Variants in LYPD6B observed in about 807,000 individuals in gnomAD.
LYPD6B encodes ly6/PLAUR domain-containing protein 6B.
Under a neutral mutation model 22.8 loss-of-function variants are expected in LYPD6B, and 17 were observed. That is an observed-to-expected ratio of 0.75 (90% confidence interval 0.51 to 1.12). LYPD6B has a LOEUF of 1.12. Among genes scored for constraint, LYPD6B ranks in the 50% most tolerant of loss-of-function variants. LYPD6B has a pLI of 0.00. For synonymous variants in LYPD6B, 106 were observed against 91.6 expected, an observed-to-expected ratio of 1.16 and a Z score of -0.90; for missense variants, 221 against 258.3, an observed-to-expected ratio of 0.86 and a Z score of 0.99.
At chr2:149,160,918 TC>T in intron 3 of LYPD6B, 83 bp downstream of exon 3, 1 of 1,010,102 alleles carries the variant, frequency 9.9e-7, no homozygotes, top group Non-Finnish European at 1.5e-6. Flanking sequence ...CTCCTGAAAG[TC>T]CCGGGACCCT....
At chr2:149,100,775 T>C (rs1013679372) in intron 1 of LYPD6B, among the ~76,000 whole-genome samples, 5 of 152,250 alleles carry the variant, frequency 3.3e-5, no homozygotes, top group African/African-American at 1.2e-4. Context: ...AATTCACCTT[T>C]GAACTTATGT....
intron 1 of LYPD6B, among the ~76,000 whole-genome samples, chr2:149,052,320 G>A (rs1226343283): frequency 2.0e-5 from 3 of 152,158 alleles, no homozygotes; most frequent in Non-Finnish European, 2.9e-5. Flanking sequence ...ATCCCAAAGT[G>A]CTGGGATTAC....
intron 1 of LYPD6B, among the ~76,000 whole-genome samples, chr2:149,086,101 A>G (rs1170024011): frequency 6.6e-6 from 1 of 152,234 alleles, no homozygotes; most frequent in African/African-American, 2.4e-5. Flanking sequence ...ACCAGGATGG[A>G]ATACAGCCCA....
At chr2:149,160,712 G>A (rs771702862) in intron 2 of LYPD6B, 52 bp from the exon 3 acceptor site, 48 of 1,258,274 alleles carry the variant, frequency 3.8e-5, no homozygotes, top group Admixed American at 1.8e-4. Flanking sequence ...GTTCAAGAAC[G>A]TTACTCATCG....
At chr2:149,129,591 A>T (rs1687902520) in intron 1 of LYPD6B, among the ~76,000 whole-genome samples, 1 of 152,248 alleles carries the variant, frequency 6.6e-6, no homozygotes, top group South Asian at 2.1e-4. Context: ...AACGGAATGC[A>T]GCCTCAGTTG....
chr2:149,148,922 C>T (rs1029484807), intron 2 of LYPD6B, among the ~76,000 whole-genome samples: 2 of 152,170 alleles, frequency 1.3e-5, no homozygotes, highest in Admixed American at 6.5e-5. Flanking sequence ...AGCTGCAACA[C>T]TGAATCAAAT....
intron 1 of LYPD6B, among the ~76,000 whole-genome samples, chr2:149,100,416 CAAAAAAAAAA>C (rs58068035): frequency 5.9e-5 from 4 of 67,974 alleles, no homozygotes; most frequent in South Asian, 1.7e-3. Flanking sequence ...TTGGCTTTGA[CAAAAAAAAAA>C]AAAAAAAAAA....
intron 1 of LYPD6B, among the ~76,000 whole-genome samples, chr2:149,114,941 A>T (rs1686928821): frequency 6.6e-6 from 1 of 151,994 alleles, no homozygotes; most frequent in Admixed American, 6.6e-5. Flanking sequence ...AGTGATTTAA[A>T]TTATTATTAT....
intron 2 of LYPD6B, among the ~76,000 whole-genome samples, chr2:149,153,850 C>T (rs528942673): frequency 8.6e-5 from 13 of 152,028 alleles, no homozygotes; most frequent in Middle Eastern, 6.8e-3. Flanking sequence ...GTGATCGTGA[C>T]GGCAGGCATG....
At chr2:149,182,333 T>C (rs796173986) in intron 3 of LYPD6B, among the ~76,000 whole-genome samples, 1 of 152,332 alleles carries the variant, frequency 6.6e-6, no homozygotes, top group African/African-American at 2.4e-5. Context: ...TCCATGGTGG[T>C]TATCACAGTG....
chr2:149,088,099 C>A (rs1276759455), intron 1 of LYPD6B, among the ~76,000 whole-genome samples: 1 of 151,122 alleles, frequency 6.6e-6, no homozygotes, highest in South Asian at 2.1e-4. Context: ...TGTTGCTCCC[C>A]CCACCCAACT....
At chr2:149,044,577 C>T (rs1683226673) in intron 1 of LYPD6B, among the ~76,000 whole-genome samples, 1 of 151,980 alleles carries the variant, frequency 6.6e-6, no homozygotes, top group Non-Finnish European at 1.5e-5. Context: ...CCGTGTCTTT[C>T]TTTCCTCCCT....
rs569998099 is a variant in LYPD6B, at chr2:149,117,699, A to G, written c.-66-13184A>G. On this transcript the variant is annotated intron_variant, in intron 1 of 6. Transcript: ENST00000409642. The stretch of plus-strand genomic sequence containing the variant: ...CATTTTTGTCCATGTTCTTTGGGTT[A>G]TGTAGCTATATGGTGAGGGGTCAAG... Among the ~76,000 whole-genome samples the G allele has an allele frequency of 6.6e-5, 10 of 152,288 alleles. 1 individual carries two copies. In the South Asian group the frequency reaches 2.1e-3, roughly 32 times the overall value.
At chr2:149,121,077 C>T (rs1011444889) in intron 1 of LYPD6B, among the ~76,000 whole-genome samples, 18 of 152,188 alleles carry the variant, frequency 1.2e-4, no homozygotes, top group Admixed American at 2.6e-4. Flanking sequence ...CAGGTATGAG[C>T]GACCCCGCCT....
At chr2:149,202,350 TC>T (rs1693217967) in intron 3 of LYPD6B, among the ~76,000 whole-genome samples, 1 of 152,188 alleles carries the variant, frequency 6.6e-6, no homozygotes, top group Non-Finnish European at 1.5e-5. Flanking sequence ...TCCTTCGTGT[TC>T]CAGCCACACT....
At chr2:149,185,948 G>A (rs920583089) in intron 3 of LYPD6B, among the ~76,000 whole-genome samples, 10 of 152,216 alleles carry the variant, frequency 6.6e-5, no homozygotes, top group Non-Finnish European at 1.0e-4. Context: ...TGCTGTGGAT[G>A]TTCTGACCGT....
intron 1 of LYPD6B, chr2:149,101,722 A>G (rs2105490065): frequency 6.6e-6 from 1 of 152,370 alleles, no homozygotes; most frequent in East Asian, 1.9e-4. Flanking sequence ...CATATGGGCT[A>G]GTGGGGCCCT....
chr2:149,198,951 G>A (rs1692995125), intron 3 of LYPD6B, among the ~76,000 whole-genome samples: 1 of 152,146 alleles, frequency 6.6e-6, no homozygotes. Flanking sequence ...ACTTTCCCTT[G>A]GTTGCAATAG....
intron 1 of LYPD6B, among the ~76,000 whole-genome samples, chr2:149,125,032 G>C (rs1373948073): frequency 6.6e-6 from 1 of 152,198 alleles, no homozygotes; most frequent in East Asian, 1.9e-4. Context: ...AAGCAAGTTG[G>C]TGTGGATCGA....
Sources: gnomAD v4.1 joint callset for allele counts (sites outside exome capture counted in the v4.1 genomes callset) on GRCh38, gnomAD v4.1.1 for gene constraint, MANE v1.5 for transcripts, NCBI Gene and HGNC (gene_info 2026-07-23, HGNC 2026-07-21) for gene names.